MGA: variants seen among roughly 807,000 people sequenced by gnomAD.
MGA encodes the protein MAX gene-associated protein.
A neutral mutation model predicts 261.1 loss-of-function variants in MGA; 40 were observed. The ratio of observed to expected loss-of-function variants is 0.15; its 90% CI spans 0.12 to 0.20. MGA has a LOEUF of 0.20. Ranked by LOEUF, MGA falls within the 10% of genes least tolerant of loss-of-function variation. MGA has a pLI of 1.00. For synonymous variants in MGA, 1,302 were observed against 1,290.6 expected (o/e 1.01, Z -0.19); for missense variants, 3,397 against 3,630.5 (o/e 0.94, Z 1.65).
intron 1 of MGA, among the ~76,000 whole-genome samples, chr15:41,629,143 T>G (rs2140960585): frequency 6.7e-6 from 1 of 150,054 alleles, no homozygotes; most frequent in East Asian, 2.0e-4. Flanking sequence ...ATTGGAGTGT[T>G]GTGAGGTACA....
intron 1 of MGA, among the ~76,000 whole-genome samples, chr15:41,637,994 G>A (rs1476138713): frequency 5.2e-5 from 7 of 133,462 alleles, no homozygotes; most frequent in African/African-American, 1.9e-4. Flanking sequence ...GCCTCCCAAA[G>A]TACTGGGATT....
intron 11 of MGA, among the ~76,000 whole-genome samples, chr15:41,732,839 TG>T (rs1179848998): frequency 1.3e-5 from 2 of 152,244 alleles, no homozygotes; most frequent in Non-Finnish European, 2.9e-5. Context: ...AACAGTGTTC[TG>T]GGTCAAAGGC....
chr15:41,719,504 G>A (rs1313338684), intron 9 of MGA, among the ~76,000 whole-genome samples: 1 of 152,170 alleles, frequency 6.6e-6, no homozygotes, highest in African/African-American at 2.4e-5. Flanking sequence ...ACTTCAGGAG[G>A]CCGAGACTAG....
At chr15:41,690,055 C>T (rs1351860369) in intron 2 of MGA, among the ~76,000 whole-genome samples, 1 of 152,150 alleles carries the variant, frequency 6.6e-6, no homozygotes, top group Non-Finnish European at 1.5e-5. Flanking sequence ...ACCAGCACCC[C>T]AGAAAGAAAA....
intron 18 of MGA, among the ~76,000 whole-genome samples, chr15:41,756,357 C>T (rs2063147453): frequency 6.6e-6 from 1 of 152,274 alleles, no homozygotes; most frequent in East Asian, 1.9e-4. Flanking sequence ...ACAGATAAAA[C>T]CACAGTGACT....
intron 1 of MGA, among the ~76,000 whole-genome samples, chr15:41,639,910 C>T (rs1335068486): frequency 3.9e-5 from 6 of 152,138 alleles, no homozygotes; most frequent in Non-Finnish European, 5.9e-5. Context: ...GTTCCTTAAT[C>T]TGCAAGGCAT....
At chr15:41,656,450 T>C (rs1204673911), upstream of MGA, among the ~76,000 whole-genome samples, 1 of 148,884 alleles carries the variant, frequency 6.7e-6, no homozygotes, top group Non-Finnish European at 1.5e-5. Context: ...TAAACAGTCC[T>C]CCCACCTCAC....
At chr15:41,640,458 T>C (rs778926333) in intron 1 of MGA, among the ~76,000 whole-genome samples, 1 of 152,194 alleles carries the variant, frequency 6.6e-6, no homozygotes, top group African/African-American at 2.4e-5. Context: ...GATGTAAGAT[T>C]GTACATCATT....
intron 15 of MGA, 97 bp downstream of exon 15, chr15:41,743,269 T>C: frequency 2.2e-6 from 3 of 1,344,388 alleles, no homozygotes; most frequent in South Asian, 1.6e-5. Flanking sequence ...AGGATAACAG[T>C]ATAGGTATTT....
chr15:41,693,975 G>T (rs964001653), intron 2 of MGA, among the ~76,000 whole-genome samples: 1 of 152,042 alleles, frequency 6.6e-6, no homozygotes. Flanking sequence ...ATTTCTGCAA[G>T]AAATCTAAGA....
At position 41,762,307 on chromosome 15, in the gene MGA, A is replaced by G. The variant is rs952351236; in HGVS notation, c.7689A>G (p.Ile2563Met). Residue 2563 changes from isoleucine (I) to methionine (M), a missense_variant, in exon 22 of 24, where the codon ATA (isoleucine) becomes ATG (methionine). Coordinates refer to ENST00000219905, the MANE Select transcript of MGA (RefSeq NM_001164273.2). ...CTGTAGATCTTGGACAGATGTTTAT[A>G]AATAACAGGAGGGGGAAACCTTTGA... 6.2e-7 allele frequency: 1 copy of G among 1,613,690 alleles called. No individual in the cohort carries two copies. Among genetic ancestry groups the G allele is most frequent in the Non-Finnish European group, 8.5e-7 (1 of 1,179,840 alleles).
intron 2 of MGA, among the ~76,000 whole-genome samples, chr15:41,673,283 T>A (rs1351596757): frequency 6.6e-6 from 1 of 152,122 alleles, no homozygotes; most frequent in Admixed American, 6.6e-5. Flanking sequence ...AGTGGTGTGA[T>A]CTTGGCTTGC....
chr15:41,710,994 G>C lies in MGA; in HGVS notation c.2729G>C (p.Arg910Pro). 1 of 1,613,872 alleles carries C rather than the reference G, an allele frequency of 6.2e-7. No individual in the cohort carries two copies. Among genetic ancestry groups the C allele is most frequent in the Non-Finnish European group, 8.5e-7 (1 of 1,179,856 alleles). Residue 910 changes from arginine (R) to proline (P), a missense_variant, in exon 8 of 24, where the codon CGA (arginine) becomes CCA (proline). Coordinates refer to ENST00000219905, the MANE Select transcript of MGA (RefSeq NM_001164273.2). ...AACAGACAGGCAACTTTCAGTGGCC[G>C]AACTAAATCATCTTATAAATCCATT...
chr15:41,700,553 T>A (rs1203293466), intron 5 of MGA, among the ~76,000 whole-genome samples: 1 of 152,198 alleles, frequency 6.6e-6, no homozygotes, highest in Non-Finnish European at 1.5e-5. Context: ...GCTTCATCCA[T>A]GTCCCTGCAA....
At chr15:41,689,726 C>T (rs997961358) in intron 2 of MGA, among the ~76,000 whole-genome samples, 6 of 151,728 alleles carry the variant, frequency 4.0e-5, no homozygotes, top group African/African-American at 1.5e-4. Context: ...CCACCACACC[C>T]GACTAATTTT....
chr15:41,767,481 T>A lies in MGA; in HGVS notation c.*201T>A. The stretch of plus-strand genomic sequence containing the variant: ...AAATTCTGATCATGTTAAAATGTGT[T>A]ACCTCACTTGTGGTGCTGGGTCCCC... On this transcript the variant is annotated 3_prime_UTR_variant, in exon 24 of 24. Coordinates refer to ENST00000219905, the MANE Select transcript of MGA (RefSeq NM_001164273.2). 1 of 608,316 alleles carries A rather than the reference T, an allele frequency of 1.6e-6. No individual in the cohort carries two copies. Among genetic ancestry groups the A allele is most frequent in the Non-Finnish European group, 2.9e-6 (1 of 350,798 alleles). 37.7% of individuals were successfully genotyped at this position (608,316 alleles called of 1,614,324 possible).
chr15:41,656,333 CCTCTCCTCTCTTCTCTCT>C (rs1480528312), upstream of MGA, among the ~76,000 whole-genome samples: 1 of 50,268 alleles, frequency 2.0e-5, no homozygotes, highest in Non-Finnish European at 5.3e-5. Flanking sequence ...TCTCTCTCTC[CCTCTCCTCTCTTCTCTCT>C]CTCTCTCTCT....
At chr15:41,627,990 C>T (rs371085776) in intron 1 of MGA, among the ~76,000 whole-genome samples, 1 of 152,138 alleles carries the variant, frequency 6.6e-6, no homozygotes, top group Non-Finnish European at 1.5e-5. Context: ...AGCCCTACTG[C>T]GTGCCAGGTG....
chr15:41,666,353 A>G (rs1039502624), intron 1 of MGA, among the ~76,000 whole-genome samples: 1 of 152,234 alleles, frequency 6.6e-6, no homozygotes, highest in African/African-American at 2.4e-5. Flanking sequence ...TGTGTAAAGC[A>G]AATATGTACA....
Sources: gnomAD v4.1 joint callset for allele counts (sites outside exome capture counted in the v4.1 genomes callset) on GRCh38, gnomAD v4.1.1 for gene constraint, MANE v1.5 for transcripts, NCBI Gene and HGNC (gene_info 2026-07-23, HGNC 2026-07-21) for gene names.